WDR7: variants seen among roughly 807,000 people sequenced by gnomAD.
WDR7 encodes WD repeat domain 7.
A neutral mutation model predicts 169.4 loss-of-function variants in WDR7; 46 were observed. The observed-to-expected ratio is 0.27, with a 90% CI of 0.21 to 0.35. WDR7 has a LOEUF of 0.35. Ranked by LOEUF, WDR7 falls within the 10% of genes least tolerant of loss-of-function variation. The probability of loss-of-function intolerance (pLI) is 1.00; values close to 1 mark genes in which losing one functional copy is unlikely to be tolerated. For synonymous variants in WDR7, 612 were observed against 666.8 expected, an observed-to-expected ratio of 0.92 and a Z score of 1.27; for missense variants, 1,534 against 1,859.3, an observed-to-expected ratio of 0.83 and a Z score of 3.22.
intron 19 of WDR7, among the ~76,000 whole-genome samples, chr18:56,806,025 A>G (rs1215621409): frequency 6.6e-6 from 1 of 152,126 alleles, no homozygotes; most frequent in African/African-American, 2.4e-5. Context: ...TCTTATACAT[A>G]TTTCAAGACC....
downstream of WDR7, chr18:57,031,710 C>A (rs2048442624): frequency 6.6e-6 from 1 of 152,196 alleles, no homozygotes; most frequent in Admixed American, 6.5e-5. Flanking sequence ...CGCAGCCAGC[C>A]AAACCTCCTC....
chr18:56,695,606 C>T (rs201581684), intron 11 of WDR7, among the ~76,000 whole-genome samples: 18 of 150,750 alleles, frequency 1.2e-4, no homozygotes, highest in East Asian at 9.8e-4. Context: ...GGCATGATCT[C>T]GGCTCACTAC....
intron 25 of WDR7, among the ~76,000 whole-genome samples, chr18:56,960,732 AT>A (rs1177913781): frequency 2.0e-5 from 3 of 152,110 alleles, no homozygotes; most frequent in Non-Finnish European, 4.4e-5. Flanking sequence ...AAATGTGAGA[AT>A]GGTAGGTTTT....
chr18:56,772,465 A>T (rs2044179574), intron 16 of WDR7, among the ~76,000 whole-genome samples: 1 of 152,194 alleles, frequency 6.6e-6, no homozygotes. Context: ...GTGAAAAATC[A>T]TTGAGAAGCT....
chr18:56,745,147 T>G (rs1031006122), intron 14 of WDR7, among the ~76,000 whole-genome samples: 3 of 152,132 alleles, frequency 2.0e-5, no homozygotes, highest in African/African-American at 4.8e-5. Flanking sequence ...TTTTGGAAAA[T>G]TATAGTTTAA....
In WDR7 at chr18:57,027,493, A is replaced by G. The variant is rs2048383525; in HGVS notation, c.*286A>G. 2.1e-6 allele frequency: 1 copy of G among 468,412 alleles called. No homozygotes were observed. The highest frequency in any genetic ancestry group is 3.8e-6 in the Non-Finnish European group (1 of 260,020). 29.0% of individuals were successfully genotyped at this position (468,412 alleles called of 1,614,324 possible). A position where few individuals can be genotyped will look rare whatever the true frequency, so the allele number is the denominator to read the frequency against. ...CAGGGGAAAGCCAGTGGTTCCTGGG[A>G]ACGCTCTTGTTGCTTGGTGCAACAG... On this transcript the variant is annotated 3_prime_UTR_variant, in exon 28 of 28. Coordinates refer to ENST00000254442, the MANE Select transcript of WDR7 (RefSeq NM_015285.3).
intron 21 of WDR7, among the ~76,000 whole-genome samples, chr18:56,894,981 G>C (rs898261185): frequency 6.6e-6 from 1 of 151,884 alleles, no homozygotes; most frequent in African/African-American, 2.4e-5. Context: ...TTCCACATAA[G>C]GACTCTTAAT....
At chr18:56,823,347 G>A (rs1478179502) in intron 20 of WDR7, among the ~76,000 whole-genome samples, 1 of 152,180 alleles carries the variant, frequency 6.6e-6, no homozygotes, top group African/African-American at 2.4e-5. Flanking sequence ...GGAGGCCGAG[G>A]CCTGCGGATC....
At chr18:56,779,625 T>G in intron 18 of WDR7, 76 bp downstream of exon 18, 2 of 1,051,528 alleles carry the variant, frequency 1.9e-6, no homozygotes, top group Non-Finnish European at 2.8e-6. Flanking sequence ...GAAACAAAAA[T>G]GATTACTGTT....
At chr18:56,688,271 G>C (rs1312494424) in intron 7 of WDR7, among the ~76,000 whole-genome samples, 1 of 152,098 alleles carries the variant, frequency 6.6e-6, no homozygotes, top group Non-Finnish European at 1.5e-5. Flanking sequence ...TGGGCCATAT[G>C]GTGAAAGGAA....
At chr18:56,676,241 T>C (rs902671068) in intron 2 of WDR7, among the ~76,000 whole-genome samples, 6 of 152,212 alleles carry the variant, frequency 3.9e-5, no homozygotes, top group Admixed American at 2.0e-4. Flanking sequence ...CATCCCTTTA[T>C]TTTCAGTCTA....
intron 20 of WDR7, among the ~76,000 whole-genome samples, chr18:56,829,813 ATGTGAATG>A (rs917188427): frequency 2.6e-5 from 4 of 152,190 alleles, no homozygotes; most frequent in Admixed American, 6.5e-5. Flanking sequence ...TGAATGTGGT[ATGTGAATG>A]TGTGAATGTG....
chr18:56,938,425 A>G, intron 23 of WDR7, 108 bp from the exon 24 acceptor site: 1 of 1,391,928 alleles, frequency 7.2e-7, no homozygotes, highest in Non-Finnish European at 9.6e-7. Flanking sequence ...CTCACCCACA[A>G]GAAGTTTATT....
chr18:57,013,146 T>G (rs2145920553), intron 26 of WDR7, among the ~76,000 whole-genome samples: 1 of 152,286 alleles, frequency 6.6e-6, no homozygotes, highest in African/African-American at 2.4e-5. Context: ...CAGGCATTAG[T>G]TAGATTCTCA....
At chr18:56,653,212 C>CT (rs796226706) in intron 1 of WDR7, among the ~76,000 whole-genome samples, 166 of 144,010 alleles carry the variant, frequency 1.2e-3, no homozygotes, top group Non-Finnish European at 1.7e-3. Flanking sequence ...TTTCGTTCTT[C>CT]TTTTTTTTTT....
At chr18:56,911,945 T>G (rs2046557869) in intron 21 of WDR7, among the ~76,000 whole-genome samples, 1 of 151,762 alleles carries the variant, frequency 6.6e-6, no homozygotes, top group African/African-American at 2.4e-5. Context: ...AATTCTTAAC[T>G]CTCTACATTA....
chr18:57,012,242 C>T (rs899249553), intron 26 of WDR7, among the ~76,000 whole-genome samples: 14 of 152,218 alleles, frequency 9.2e-5, no homozygotes, highest in Middle Eastern at 3.4e-3. Flanking sequence ...CCTGCCTCAC[C>T]CCACACGAAG....
intron 19 of WDR7, among the ~76,000 whole-genome samples, chr18:56,782,348 T>C (rs1188080342): frequency 6.6e-6 from 1 of 152,140 alleles, no homozygotes; most frequent in African/African-American, 2.4e-5. Context: ...TATATTTTTC[T>C]AAAAACAGTT....
rs552842089 is a variant in WDR7, at chr18:56,822,528, A to G, written c.3304+6384A>G. 5.2e-4 allele frequency among the ~76,000 whole-genome samples: 79 copies of G among 152,360 alleles called. 1 individual carries two copies. The highest frequency in any genetic ancestry group is 2.2e-4 in the Non-Finnish European group (15 of 68,042). On this transcript the variant is annotated intron_variant, in intron 20 of 27. Transcript: ENST00000254442. The stretch of plus-strand genomic sequence containing the variant: ...AGCTCCAAAGAACAAAATACGGCAT[A>G]TTATGTATTCAGAAACCAGACGTTC...
Sources: allele counts gnomAD v4.1 joint callset (sites outside exome capture counted in the v4.1 genomes callset), GRCh38; gene constraint gnomAD v4.1.1; transcripts MANE v1.5; gene names NCBI Gene and HGNC (gene_info 2026-07-23, HGNC 2026-07-21).